The following KCNMA1 variants were observed in gnomAD, a reference collection of about 807,000 sequenced individuals.
KCNMA1 encodes Calcium-activated potassium channel subunit alpha-1.
KCNMA1 carries 29 observed loss-of-function variants against 140.0 expected under a neutral mutation model. The observed-to-expected ratio is 0.21, with a 90% CI of 0.15 to 0.28. The LOEUF (loss-of-function observed/expected upper bound fraction) is 0.28, where lower values mean the gene tolerates loss of function less well. KCNMA1 is among the 10% of genes least tolerant of loss of function. The probability of loss-of-function intolerance (pLI) is 1.00; values close to 1 mark genes in which losing one functional copy is unlikely to be tolerated. For missense variants in KCNMA1, 880 were observed against 1,602.2 expected, an observed-to-expected ratio of 0.55 and a Z score of 7.70; for synonymous variants, 612 against 611.9, an observed-to-expected ratio of 1.00 and a Z score of 0.00.
intron 23 of KCNMA1, among the ~76,000 whole-genome samples, chr10:76,925,801 C>T (rs895448077): frequency 2.6e-5 from 4 of 152,240 alleles, no homozygotes; most frequent in South Asian, 2.1e-4. Context: ...TCCAAAATCA[C>T]GAGCAAAGTA....
At chr10:77,525,205 C>A (rs901880020) in intron 1 of KCNMA1, among the ~76,000 whole-genome samples, 4 of 152,132 alleles carry the variant, frequency 2.6e-5, no homozygotes, top group African/African-American at 9.7e-5. Flanking sequence ...TTTATGGATA[C>A]CAGTTGTGTT....
chr10:76,876,809 T>A (rs1471770612), downstream of KCNMA1: 9 of 152,320 alleles, frequency 5.9e-5, no homozygotes, highest in Non-Finnish European at 2.9e-5. Context: ...GCTCTGAGAC[T>A]TGGGGAGTGG....
At chr10:77,255,251 C>T (rs1400879256) in intron 2 of KCNMA1, among the ~76,000 whole-genome samples, 1 of 152,142 alleles carries the variant, frequency 6.6e-6, no homozygotes, top group African/African-American at 2.4e-5. Context: ...ACTCCAAGAT[C>T]AAACAAGACA....
intron 1 of KCNMA1, among the ~76,000 whole-genome samples, chr10:77,528,442 C>G (rs2056560292): frequency 6.6e-6 from 1 of 151,896 alleles, no homozygotes; most frequent in Admixed American, 6.6e-5. Context: ...AACCCTGTCT[C>G]TACTAAAAAT....
intron 1 of KCNMA1, among the ~76,000 whole-genome samples, chr10:77,627,193 T>C (rs1316333639): frequency 6.6e-6 from 1 of 152,228 alleles, no homozygotes; most frequent in African/African-American, 2.4e-5. Context: ...GAGCACTGTC[T>C]GTCTCCCTAG....
At chr10:77,549,025 C>A (rs1237956668) in intron 1 of KCNMA1, among the ~76,000 whole-genome samples, 1 of 152,200 alleles carries the variant, frequency 6.6e-6, no homozygotes, top group African/African-American at 2.4e-5. Context: ...CCACTCTGGG[C>A]CATTCATGGA....
intron 24 of KCNMA1, chr10:76,910,466 T>C (rs1590263011): frequency 3.1e-6 from 1 of 326,932 alleles, no homozygotes; most frequent in African/African-American, 2.1e-5. Context: ...ATTTCAATGA[T>C]GAGCAGCCAT....
intron 9 of KCNMA1, among the ~76,000 whole-genome samples, chr10:77,105,848 A>C (rs922676041): frequency 1.3e-5 from 2 of 152,316 alleles, no homozygotes; most frequent in Non-Finnish European, 2.9e-5. Context: ...TCAACTAAAG[A>C]CCTTATATTG....
intron 2 of KCNMA1, among the ~76,000 whole-genome samples, chr10:77,288,789 T>C (rs2072003385): frequency 6.6e-6 from 1 of 152,230 alleles, no homozygotes; most frequent in African/African-American, 2.4e-5. Flanking sequence ...GATCTGAGGC[T>C]TGAAATAAAA....
chr10:77,540,684 G>A (rs147730715), intron 1 of KCNMA1, among the ~76,000 whole-genome samples: 204 of 152,342 alleles, frequency 1.3e-3, no homozygotes, highest in Middle Eastern at 6.8e-3. Context: ...TTATGAAAAT[G>A]TATCTCAAAA....
chr10:77,624,860 A>G (rs1471104258), intron 1 of KCNMA1, among the ~76,000 whole-genome samples: 2 of 151,940 alleles, frequency 1.3e-5, no homozygotes, highest in African/African-American at 2.4e-5. Context: ...TCTGCTCTCA[A>G]TGTGGGCAGG....
intron 26 of KCNMA1, among the ~76,000 whole-genome samples, chr10:76,890,837 C>T (rs538785715): frequency 2.6e-4 from 39 of 152,246 alleles, no homozygotes; most frequent in African/African-American, 7.7e-4. Context: ...ACAGGGAGGA[C>T]ATGAGGGAAC....
chr10:77,502,172 C>T (rs958835520), intron 1 of KCNMA1, among the ~76,000 whole-genome samples: 9 of 152,136 alleles, frequency 5.9e-5, no homozygotes, highest in African/African-American at 2.2e-4. Context: ...CAGCTGGGGG[C>T]GCCTGGGAAG....
At chr10:77,016,287 C>CTTG (rs2092019004) in intron 17 of KCNMA1, among the ~76,000 whole-genome samples, 1 of 152,100 alleles carries the variant, frequency 6.6e-6, no homozygotes, top group Non-Finnish European at 1.5e-5. Context: ...AATCAGTGAC[C>CTTG]CAGTTGCATT....
intron 5 of KCNMA1, among the ~76,000 whole-genome samples, chr10:77,134,487 T>C (rs1409211089): frequency 6.6e-6 from 1 of 151,908 alleles, no homozygotes; most frequent in South Asian, 2.1e-4. Context: ...ATAAAAAAAA[T>C]GTGCACCATA....
chr10:77,248,939 C>T (rs560714849), intron 3 of KCNMA1, among the ~76,000 whole-genome samples: 10 of 152,210 alleles, frequency 6.6e-5, no homozygotes, highest in East Asian at 1.9e-4. Flanking sequence ...ACAGAATCTT[C>T]GGATATGCTC....
chr10:76,989,911 C>T (rs1010064544), intron 19 of KCNMA1, among the ~76,000 whole-genome samples: 2 of 151,970 alleles, frequency 1.3e-5, no homozygotes, highest in South Asian at 2.1e-4. Context: ...TCCACTCATC[C>T]GCTATGTGAT....
chr10:77,198,181 G>A (rs567989024), intron 3 of KCNMA1, among the ~76,000 whole-genome samples: 52 of 152,268 alleles, frequency 3.4e-4, no homozygotes, highest in Non-Finnish European at 6.5e-4. Context: ...ATGGTTTCCT[G>A]TAGTTACAGT....
chr10:77,553,802 G>C (rs1040549905), intron 1 of KCNMA1, among the ~76,000 whole-genome samples: 1 of 152,054 alleles, frequency 6.6e-6, no homozygotes, highest in Non-Finnish European at 1.5e-5. Flanking sequence ...CCCCACCCAA[G>C]TGTCATCTTG....
Sources: gnomAD v4.1 joint callset for allele counts (sites outside exome capture counted in the v4.1 genomes callset) on GRCh38, gnomAD v4.1.1 for gene constraint, MANE v1.5 for transcripts, NCBI Gene and HGNC (gene_info 2026-07-23, HGNC 2026-07-21) for gene names.